The following TMC8 variants were observed in gnomAD, a reference collection of about 807,000 sequenced individuals.
TMC8 encodes the protein transmembrane channel like 8, also known as transmembrane channel-like protein 8.
A neutral mutation model predicts 76.0 loss-of-function variants in TMC8; 71 were observed. That is an observed-to-expected ratio of 0.93 (90% CI 0.77 to 1.14). The LOEUF (loss-of-function observed/expected upper bound fraction) is 1.14, where lower values mean the gene tolerates loss of function less well. Among genes scored for constraint, TMC8 ranks in the 50% most tolerant of loss-of-function variants. The pLI is 0.00. For missense variants in TMC8, 924 were observed against 947.9 expected, an observed-to-expected ratio of 0.97 and a Z score of 0.33; for synonymous variants, 433 against 433.8, an observed-to-expected ratio of 1.00 and a Z score of 0.02.
At chr17:78,140,686 A>G (rs562345759) in intron 15 of TMC8, 148 bp from the exon 16 acceptor site, 165 of 1,102,268 alleles carry the variant, frequency 1.5e-4, no homozygotes, top group South Asian at 1.3e-3. Context: ...TGTGGCCTCG[A>G]GCGGGGCGTG....
At chr17:78,133,565 C>G (rs2075107919) in intron 6 of TMC8, 23 bp downstream of exon 6, 1 of 1,607,634 alleles carries the variant, frequency 6.2e-7, no homozygotes, top group African/African-American at 1.3e-5. Context: ...TCCACACCTT[C>G]ACCCCTTCCC....
chr17:78,131,945 G>A lies in TMC8; in HGVS notation c.213G>A (p.Gln71=). 3.3e-6 allele frequency: 5 copies of A among 1,511,314 alleles called. No individual in the cohort carries two copies. Among genetic ancestry groups the A allele is most frequent in the Non-Finnish European group, 4.4e-6 (5 of 1,135,428 alleles). 93.6% of individuals were successfully genotyped at this position (1,511,314 alleles called of 1,614,324 possible). The change falls in exon 3 of 16, where the codon CAG becomes CAA. Residue 71 remains glutamine, a synonymous_variant. Coordinates refer to ENST00000318430, the MANE Select transcript of TMC8 (RefSeq NM_152468.5). ...LRWQRWQRRR[Q]TVERRLREAA... ...GGCAGCGGTGGCAGCGCCGGCGGCA[G>A]ACGGTGGAAAGGCGCCTGCGGGAGG... is the stretch of plus-strand genomic sequence containing the variant.
rs780836109 is a variant in TMC8, at chr17:78,138,065, G to A, written c.1410G>A (p.Leu470=). The A allele has an allele frequency of 9.3e-6, 15 of 1,614,030 alleles. No individual in the cohort carries two copies. Among genetic ancestry groups the A allele is most frequent in the Non-Finnish European group, 1.3e-5 (15 of 1,180,008 alleles). ...CCTGGCTGGAACGGGAGGAGTTCCT[G>A]GTCCCCAAGAATGTGCTGGACATCG... ...FWAWLEREEF[L]VPKNVLDIVA... is the part of the protein sequence containing the mutation. Residue 470 remains leucine, a synonymous_variant, in exon 12 of 16, where the codon CTG becomes CTA. Transcript: ENST00000318430.
In TMC8 at chr17:78,132,810, C is replaced by T; in HGVS notation, c.471C>T (p.Arg157=). 1 of 1,614,224 alleles carries T rather than the reference C, an allele frequency of 6.2e-7. No individual in the cohort carries two copies. Among genetic ancestry groups the T allele is most frequent in the Non-Finnish European group, 8.5e-7 (1 of 1,180,034 alleles). The change falls in exon 5 of 16, where the codon CGC becomes CGT. Residue 157 remains arginine (R), a synonymous_variant. Coordinates refer to ENST00000318430, the MANE Select transcript of TMC8 (RefSeq NM_152468.5). The stretch of plus-strand genomic sequence containing the variant: ...CAGCCCTCCAGTGCCCTGGTAGCCG[C>T]CAGTCCCCGCCTGGCGTTTTGAGGT... The part of the protein sequence containing the change: ...LNLTLQCPGS[R]QSPPGVLRFH...
In TMC8 at chr17:78,131,485, C is replaced by A; in HGVS notation, c.-104C>A. Reference sequence around the variant, plus strand: ...ACGGAAGGGCCCGCCCCCAGCCCAGCGTGCACAGAGGCCATAGCCAAGGCC... The same window carrying A: ...ACGGAAGGGCCCGCCCCCAGCCCAGAGTGCACAGAGGCCATAGCCAAGGCC... On this transcript the variant is annotated 5_prime_UTR_variant, in exon 2 of 16. Transcript: ENST00000318430. 1 of 1,470,668 alleles carries A rather than the reference C, an allele frequency of 6.8e-7. No homozygotes were observed. Among genetic ancestry groups the A allele is most frequent in the Non-Finnish European group, 9.2e-7 (1 of 1,090,152 alleles). 91.1% of individuals were successfully genotyped at this position (1,470,668 alleles called of 1,614,324 possible).
chr17:78,132,796 T>C lies in TMC8; in HGVS notation c.457T>C (p.Cys153Arg), dbSNP rs1328913192. 2 of 1,614,056 alleles carry C rather than the reference T, an allele frequency of 1.2e-6. No individual in the cohort carries two copies. The highest frequency in any genetic ancestry group is 2.7e-5 in the African/African-American group (2 of 74,932). The change falls in exon 5 of 16, where the codon TGC becomes CGC. Residue 153 changes from cysteine (C) to arginine (R), a missense_variant. Cys to Arg is a radical substitution (Grantham distance 180). Transcript: ENST00000318430. ...CCCTTCCTCCTCAACAGCCCTCCAG[T>C]GCCCTGGTAGCCGCCAGTCCCCGCC... ...PGPTLNLTLQ[C>R]PGSRQSPPGV...
chr17:78,137,036 T>C, intron 9 of TMC8, 199 bp from the exon 10 acceptor site: 12 of 708,952 alleles, frequency 1.7e-5, no homozygotes, highest in East Asian at 3.2e-5. Flanking sequence ...CACAGAACCC[T>C]TTTTCCCATG....
At chr17:78,138,274 C>A (rs1474670018) in intron 12 of TMC8, 75 bp from the exon 13 acceptor site, 2 of 1,612,092 alleles carry the variant, frequency 1.2e-6, no homozygotes, top group Non-Finnish European at 1.7e-6. Flanking sequence ...CTGCTCCTGC[C>A]CCCTTCCCTG....
chr17:78,135,454 A>C (rs2075200213), intron 9 of TMC8, among the ~76,000 whole-genome samples: 1 of 152,168 alleles, frequency 6.6e-6, no homozygotes. Context: ...GCGCCCAGCC[A>C]AAGTCAAGCT....
chr17:78,139,611 C>G (rs976046112), intron 15 of TMC8, among the ~76,000 whole-genome samples: 1 of 151,682 alleles, frequency 6.6e-6, no homozygotes, highest in Non-Finnish European at 1.5e-5. Context: ...AGAATGTGGC[C>G]GGGCGTGGTG....
intron 6 of TMC8, 88 bp from the exon 7 acceptor site, chr17:78,133,765 G>A (rs2145639673): frequency 6.3e-7 from 1 of 1,596,124 alleles, no homozygotes; most frequent in East Asian, 2.2e-5. Context: ...GGCTGCAGGG[G>A]CCTTCCCAGA....
chr17:78,135,052 T>C lies in TMC8; in HGVS notation c.1127+43T>C, dbSNP rs577235893. ...TGGGGACAAGTGGGCATGTAACAAG[T>C]CTGCATCCTGCTGCTCTCTTTTGGT... On this transcript the variant is annotated intron_variant, in intron 9 of 15. Transcript: ENST00000318430. The C allele has an allele frequency of 3.1e-6, 5 of 1,612,756 alleles. No individual in the cohort carries two copies. The African/African-American group carries it at 4.0e-5, about 13-fold the overall frequency.
At chr17:78,133,831 C>T (rs779628063) in intron 6 of TMC8, 22 bp from the exon 7 acceptor site, 8 of 1,612,642 alleles carry the variant, frequency 5.0e-6, no homozygotes, top group African/African-American at 1.3e-5. Flanking sequence ...CCTCCAGCAG[C>T]CCCTGGTCTC....
At chr17:78,135,571 TTC>T (rs2075204528) in intron 9 of TMC8, among the ~76,000 whole-genome samples, 1 of 152,142 alleles carries the variant, frequency 6.6e-6, no homozygotes, top group Non-Finnish European at 1.5e-5. Context: ...TTCTGCCATC[TTC>T]TGTCTCAGCA....
chr17:78,139,384 G>A (rs1017117390), intron 15 of TMC8, 144 bp downstream of exon 15: 22 of 873,788 alleles, frequency 2.5e-5, no homozygotes, highest in East Asian at 1.1e-4. Flanking sequence ...GAGTGAAGAC[G>A]GGGAAGGGGA....
rs1462547774 is a variant in TMC8, at chr17:78,134,344, C to T, written c.817-50C>T. The T allele has an allele frequency of 4.4e-6, 7 of 1,597,528 alleles. No homozygotes were observed. The South Asian group carries it at 6.6e-5, about 15-fold the overall frequency. ...GAGAGCGTTTCCTGCACCCTTTCCT[C>T]CCATGCCCACCCCGCCTGCAGCTGC... is the stretch of plus-strand genomic sequence containing the variant. On this transcript the variant is annotated intron_variant, in intron 7 of 15. Coordinates refer to ENST00000318430, the MANE Select transcript of TMC8 (RefSeq NM_152468.5).
rs191739469 is a variant in TMC8 at position 78,138,220 on chromosome 17, C to T, written c.1533+32C>T. 6,767 of 1,613,416 alleles carry T rather than the reference C, an allele frequency of 4.2e-3. 21 individuals are homozygous for T. The highest frequency in any genetic ancestry group is 5.2e-3 in the Non-Finnish European group (6,146 of 1,179,914). ...GCTCATGGCTGGGGGGTATGGGGTT[C>T]GTGCCTCTGGGTGGATGCCTTGAGC... On this transcript the variant is annotated intron_variant, in intron 12 of 15. Coordinates refer to ENST00000318430, the MANE Select transcript of TMC8 (RefSeq NM_152468.5).
At chr17:78,134,597 C>T (rs775857807) in intron 8 of TMC8, 33 bp downstream of exon 8, 1 of 1,612,578 alleles carries the variant, frequency 6.2e-7, no homozygotes, top group Non-Finnish European at 8.5e-7. Flanking sequence ...TAATCCTGGC[C>T]AGAACTGCGG....
At chr17:78,136,787 C>T (rs1469533911) in intron 9 of TMC8, 4 of 311,614 alleles carry the variant, frequency 1.3e-5, no homozygotes, top group East Asian at 8.7e-5. Context: ...CTTGGCCAGG[C>T]GCCGTGGCCC....
Sources: gnomAD v4.1 joint callset for allele counts (sites outside exome capture counted in the v4.1 genomes callset) on GRCh38, gnomAD v4.1.1 for gene constraint, MANE v1.5 for transcripts, NCBI Gene and HGNC (gene_info 2026-07-23, HGNC 2026-07-21) for gene names.